ZNF689: variants seen among roughly 807,000 people sequenced by gnomAD.
The protein encoded by ZNF689 is zinc finger protein 689, also known as short ORF-encoded histone-binding protein.
A neutral mutation model predicts 37.2 loss-of-function variants in ZNF689; 14 were observed. The observed-to-expected ratio is 0.38, with a 90% confidence interval of 0.25 to 0.59. The LOEUF (loss-of-function observed/expected upper bound fraction) is 0.59. ZNF689 is among the 20% of genes least tolerant of loss of function. The pLI is 0.68. For missense variants in ZNF689, 573 were observed against 700.2 expected (o/e 0.82, Z 2.05); for synonymous variants, 277 against 283.3 (o/e 0.98, Z 0.22).
chr16:30,604,231 AAAATG>A lies in ZNF689; in HGVS notation c.*28_*32del, dbSNP rs370031295. The A allele has an allele frequency of 5.4e-4, 870 of 1,611,494 alleles. 4 individuals carry two copies. In the African/African-American group the frequency reaches 8.8e-3, roughly 16 times the overall value. ...CCTTCCCTTTTCTGGGACCCTCCAT[AAAATG>A]AAATGAACGTAGGCAGTCCTTCCCC... On this transcript the variant is annotated 3_prime_UTR_variant, in exon 3 of 3. Coordinates refer to ENST00000287461, the MANE Select transcript of ZNF689 (RefSeq NM_138447.3). The surrounding 1 kb of genome is among the most constrained non-coding windows in gnomAD (Gnocchi z 5.2).
rs534698953 is a variant in ZNF689 at position 30,602,906 on chromosome 16, T to G, written c.*1358A>C. 6.6e-6 allele frequency: 1 copy of G among 152,214 alleles called. No homozygotes were observed. The highest frequency in any genetic ancestry group is 1.5e-5 in the Non-Finnish European group (1 of 68,036). The allele number at this position is 152,214 out of a possible 1,614,324, so 9.4% of individuals were successfully genotyped here. A position where few individuals can be genotyped will look rare whatever the true frequency, so the allele number is the denominator to read the frequency against. On this transcript the variant is annotated 3_prime_UTR_variant, in exon 3 of 3. Transcript: ENST00000287461. The stretch of plus-strand genomic sequence containing the variant: ...CTTTATGAAGCACCTACCCAGTGGG[T>G]GCCATGGAGGTGGATCAGATTGAGC...
chr16:30,604,241 G>T lies in ZNF689; in HGVS notation c.*23C>A. On this transcript the variant is annotated 3_prime_UTR_variant, in exon 3 of 3. Coordinates refer to ENST00000287461, the MANE Select transcript of ZNF689 (RefSeq NM_138447.3). The surrounding 1 kb of genome is among the most constrained non-coding windows in gnomAD (Gnocchi z 5.2). ...TCTGGGACCCTCCATAAAATGAAAT[G>T]AACGTAGGCAGTCCTTCCCCTTCTA... 1.2e-6 allele frequency: 2 copies of T among 1,612,668 alleles called. No individual in the cohort carries two copies. Among genetic ancestry groups the T allele is most frequent in the South Asian group, 2.2e-5 (2 of 90,986 alleles).
At position 30,610,150 on chromosome 16, in the gene ZNF689, C is replaced by G. The variant is rs1004908958; in HGVS notation, c.-109G>C. 5.3e-6 allele frequency: 7 copies of G among 1,312,238 alleles called. No individual in the cohort carries two copies. Among genetic ancestry groups the G allele is most frequent in the Non-Finnish European group, 7.1e-6 (7 of 982,374 alleles). The allele number at this position is 1,312,238 out of a possible 1,614,324, so 81.3% of individuals were successfully genotyped here. ...CTGCCGGACCAGGGCTGAGCGTGGCCGGGGAGGCCCGGAGGGAATCGGAAT... is the reference window on the plus strand; with the variant it reads ...CTGCCGGACCAGGGCTGAGCGTGGCGGGGGAGGCCCGGAGGGAATCGGAAT... On this transcript the variant is annotated 5_prime_UTR_variant, in exon 1 of 3. Coordinates refer to ENST00000287461, the MANE Select transcript of ZNF689 (RefSeq NM_138447.3).
intron 2 of ZNF689, among the ~76,000 whole-genome samples, chr16:30,607,574 G>T (rs1237423899): frequency 1.3e-5 from 2 of 151,510 alleles, no homozygotes; most frequent in East Asian, 3.9e-4. Context: ...CTGGGTGGAA[G>T]AGCAAAACTC....
At position 30,604,581 on chromosome 16, in the gene ZNF689, T is replaced by C; in HGVS notation, c.1186A>G (p.Thr396Ala). 1 of 1,590,682 alleles carries C rather than the reference T, an allele frequency of 6.3e-7. No homozygotes were observed. Among genetic ancestry groups the C allele is most frequent in the Non-Finnish European group, 8.6e-7 (1 of 1,169,028 alleles). Residue 396 changes from threonine to alanine, a missense_variant, in exon 3 of 3, where the codon ACA becomes GCA. Around this residue, in one of 3 missense-constraint regions of ZNF689, gnomAD observed 317 missense variants for 367.1 expected, o/e 0.86. Transcript: ENST00000287461. The surrounding 1 kb of genome is among the most constrained non-coding windows in gnomAD (Gnocchi z 5.2). Reference sequence around the variant, plus strand: ...TCGCAGGCGTGCAGCTTCTCCTCTGTGTGCGTGCTGCGATGGATGGCCAGG... The same window carrying C: ...TCGCAGGCGTGCAGCTTCTCCTCTGCGTGCGTGCTGCGATGGATGGCCAGG... Reference protein sequence around the residue: ...GSLAIHRSTHTEEKLHACDDC... With the variant: ...GSLAIHRSTHAEEKLHACDDC...
intron 2 of ZNF689, chr16:30,608,272 TTTC>T (rs1184789724): frequency 1.4e-5 from 2 of 145,866 alleles, no homozygotes; most frequent in East Asian, 1.9e-4. Flanking sequence ...ACCCAATGGT[TTTC>T]TTTTCTTTTT....
rs2052079623 is a variant in ZNF689, at chr16:30,609,892, C to T, written c.150G>A (p.Gln50=). The T allele has an allele frequency of 6.2e-7, 1 of 1,611,836 alleles. No homozygotes were observed. ...GCATCACGTCCCGGTACAGGGCCCT[C>T]TGCGCGGGCCGCAGGCAGCCCCACT... is the stretch of plus-strand genomic sequence containing the variant. ...PEEWGCLRPA[Q]RALYRDVMRE... The change falls in exon 1 of 3, where the codon CAG becomes CAA. Residue 50 remains glutamine (Q), a synonymous_variant. Coordinates refer to ENST00000287461, the MANE Select transcript of ZNF689 (RefSeq NM_138447.3).
Position 30,605,415 on chromosome 16 carries a change from C to T in ZNF689, c.352G>A (p.Glu118Lys). ...SRTRKKNGEKEVFPPKEAPRK... is the reference protein window; with the variant it reads ...SRTRKKNGEKKVFPPKEAPRK... ...GGTGCCTCCTTAGGCGGGAATACTTCCTTCTCCCCATTCTTCTTTCTGGTT... is the reference window on the plus strand; with the variant it reads ...GGTGCCTCCTTAGGCGGGAATACTTTCTTCTCCCCATTCTTCTTTCTGGTT... The change falls in exon 3 of 3, where the codon GAA (glutamate) becomes AAA (lysine). Residue 118 changes from glutamate to lysine, a missense_variant. Physicochemically the swap from Glu to Lys is moderately conservative, Grantham distance 56 (BLOSUM62 1). Coordinates refer to ENST00000287461, the MANE Select transcript of ZNF689 (RefSeq NM_138447.3). The surrounding 1 kb of genome is among the most constrained non-coding windows in gnomAD (Gnocchi z 5.1). The T allele has an allele frequency of 6.2e-7, 1 of 1,613,440 alleles. No individual in the cohort carries two copies. Among genetic ancestry groups the T allele is most frequent in the Non-Finnish European group, 8.5e-7 (1 of 1,179,886 alleles).
intron 2 of ZNF689, chr16:30,609,305 C>T (rs1567529253): frequency 2.5e-6 from 1 of 397,082 alleles, no homozygotes; most frequent in Non-Finnish European, 4.5e-6. Flanking sequence ...AGAATAAGCC[C>T]ACTGATTCAT....
chr16:30,608,038 C>T (rs1234425652), intron 2 of ZNF689, among the ~76,000 whole-genome samples: 1 of 152,136 alleles, frequency 6.6e-6, no homozygotes, highest in Non-Finnish European at 1.5e-5. Context: ...GTCAAAAGGC[C>T]CTCTAAGCCA....
Position 30,604,950 on chromosome 16 carries a change from G to C in ZNF689, c.817C>G (p.Pro273Ala). 3.2e-6 allele frequency: 5 copies of C among 1,577,338 alleles called. No individual in the cohort carries two copies. The highest frequency in any genetic ancestry group is 3.4e-6 in the Non-Finnish European group (4 of 1,160,096). Reference protein sequence around the residue: ...CPSCGRRFAYPSLLAIHQRTH... With the variant: ...CPSCGRRFAYASLLAIHQRTH... Reference sequence around the variant, plus strand: ...CGCTGGTGGATGGCTAGCAGGGAGGGGTAGGCGAAGCGACGTCCACAGCTA... The same window carrying C: ...CGCTGGTGGATGGCTAGCAGGGAGGCGTAGGCGAAGCGACGTCCACAGCTA... The change falls in exon 3 of 3, where the codon CCC becomes GCC. Residue 273 changes from proline to alanine, a missense_variant. By Grantham distance (27) the Pro-to-Ala change is conservative (BLOSUM62 -1). Coordinates refer to ENST00000287461, the MANE Select transcript of ZNF689 (RefSeq NM_138447.3). The surrounding 1 kb of genome is among the most constrained non-coding windows in gnomAD (Gnocchi z 5.2).
Position 30,605,296 on chromosome 16 carries a change from G to C in ZNF689, c.471C>G (p.Thr157=), listed in dbSNP as rs896616248. 3.8e-5 allele frequency: 62 copies of C among 1,610,900 alleles called. No homozygotes were observed. Among genetic ancestry groups the C allele is most frequent in the Non-Finnish European group, 4.5e-5 (53 of 1,178,004 alleles). The change falls in exon 3 of 3, where the codon ACC becomes ACG. Residue 157 remains threonine (T), a synonymous_variant. Transcript: ENST00000287461. The surrounding 1 kb of genome is among the most constrained non-coding windows in gnomAD (Gnocchi z 5.1). ...TCTCCAGGGCCTGATGATCAGGGAA[G>C]GTACAGCCGCAGTCAGGGCAGATGG... The part of the protein sequence containing the change: ...GGPICPDCGC[T]FPDHQALESH...
chr16:30,609,132 C>T (rs1409596103), intron 2 of ZNF689, among the ~76,000 whole-genome samples: 1 of 152,158 alleles, frequency 6.6e-6, no homozygotes, highest in Non-Finnish European at 1.5e-5. Context: ...CAGAGGGTAG[C>T]ACCTGTTAAA....
In ZNF689 at chr16:30,604,191, T is replaced by C; in HGVS notation, c.*73A>G. 1 of 1,531,924 alleles carries C rather than the reference T, an allele frequency of 6.5e-7. No individual in the cohort carries two copies. The highest frequency in any genetic ancestry group is 9.0e-7 in the Non-Finnish European group (1 of 1,113,156). 94.9% of individuals were successfully genotyped at this position (1,531,924 alleles called of 1,614,324 possible). ...GGTTTAGTTCTGACTCTGCCCTGTA[T>C]GACCTGGGGCTCCTCCTTCCCTTTT... On this transcript the variant is annotated 3_prime_UTR_variant, in exon 3 of 3. Coordinates refer to ENST00000287461, the MANE Select transcript of ZNF689 (RefSeq NM_138447.3). This position sits in a 1 kb window ranked among gnomAD's most constrained non-coding sequence, Gnocchi z 5.2.
Position 30,604,891 on chromosome 16 carries a change from G to A in ZNF689, c.876C>T (p.Leu292=). 1.9e-6 allele frequency: 3 copies of A among 1,576,850 alleles called. No homozygotes were observed. The highest frequency in any genetic ancestry group is 2.6e-6 in the Non-Finnish European group (3 of 1,161,600). Residue 292 remains leucine (L), a synonymous_variant, in exon 3 of 3, where the codon CTC becomes CTT. Transcript: ENST00000287461. This position sits in a 1 kb window ranked among gnomAD's most constrained non-coding sequence, Gnocchi z 5.2. ...THTGEKPYTC[L]ECNRRFRQRT... ...GCTGGCGGAAGCGGCGGTTGCACTC[G>A]AGGCAAGTGTAGGGCTTCTCTCCCG...
chr16:30,610,314 C>T lies in ZNF689; in HGVS notation c.-273G>A. The T allele has an allele frequency of 4.2e-6, 2 of 471,194 alleles. No individual in the cohort carries two copies. The highest frequency in any genetic ancestry group is 7.5e-6 in the Non-Finnish European group (2 of 265,012). The allele number at this position is 471,194 out of a possible 1,614,324, so 29.2% of individuals were successfully genotyped here. Reference sequence around the variant, plus strand: ...GCACCGCCTTTGCCTGGAACACAGGCAGCTTCCAGCTATCGATTTTATTGA... The same window carrying T: ...GCACCGCCTTTGCCTGGAACACAGGTAGCTTCCAGCTATCGATTTTATTGA... On this transcript the variant is annotated 5_prime_UTR_variant, in exon 1 of 3. Coordinates refer to ENST00000287461, the MANE Select transcript of ZNF689 (RefSeq NM_138447.3).
intron 1 of ZNF689, 61 bp from the exon 2 acceptor site, chr16:30,609,699 G>A: frequency 6.2e-7 from 1 of 1,607,778 alleles, no homozygotes; most frequent in East Asian, 2.2e-5. Flanking sequence ...GTATCTCCCC[G>A]ACGGCACCTC....
Position 30,604,524 on chromosome 16 carries a change from G to C in ZNF689, c.1243C>G (p.Leu415Val). ...TGCACGCGCCGGTGGCTGGCCAGCA[G>C]TGAGGGGTAGGCAAAGCGGCGACCA... ...DCGRRFAYPS[L>V]LASHRRVHSG... is the part of the protein sequence containing the mutation. The change falls in exon 3 of 3, where the codon CTG (leucine) becomes GTG (valine). Residue 415 changes from leucine (L) to valine (V), a missense_variant. Around this residue, in one of 3 missense-constraint regions of ZNF689, gnomAD observed 317 missense variants for 367.1 expected, o/e 0.86. Transcript: ENST00000287461. The surrounding 1 kb of genome is among the most constrained non-coding windows in gnomAD (Gnocchi z 5.2). The C allele has an allele frequency of 6.3e-7, 1 of 1,594,910 alleles. No homozygotes were observed. The highest frequency in any genetic ancestry group is 8.5e-7 in the Non-Finnish European group (1 of 1,171,154).
At position 30,606,448 on chromosome 16, in the gene ZNF689, T is replaced by C. The variant is rs1596586866; in HGVS notation, c.320-1001A>G. ...TGTCACCTTCCCTATCTTTCTTTCATAAGAGATTGCATACACATGCTTTAC... is the reference window on the plus strand; with the variant it reads ...TGTCACCTTCCCTATCTTTCTTTCACAAGAGATTGCATACACATGCTTTAC... On this transcript the variant is annotated intron_variant, in intron 2 of 2. Transcript: ENST00000287461. 3.3e-5 allele frequency among the ~76,000 whole-genome samples: 5 copies of C among 152,320 alleles called. 1 individual carries two copies. Among genetic ancestry groups the C allele is most frequent in the Admixed American group, 3.3e-4 (5 of 15,294 alleles).
Sources: gnomAD v4.1 joint callset for allele counts (sites outside exome capture counted in the v4.1 genomes callset) on GRCh38, gnomAD v4.1.1 for gene constraint, gnomAD v4.1.1 regional missense constraint, Gnocchi (gnomAD v3.1) non-coding constraint, MANE v1.5 for transcripts, NCBI Gene and HGNC (gene_info 2026-07-23, HGNC 2026-07-21) for gene names.